The following FXR1 variants were observed in gnomAD, a reference collection of about 807,000 sequenced individuals.
The protein encoded by FXR1 is FMR1 autosomal homolog 1, also known as RNA-binding protein FXR1.
A neutral mutation model predicts 84.0 loss-of-function variants in FXR1; 15 were observed. That is an observed-to-expected ratio of 0.18 (90% CI 0.12 to 0.27). The LOEUF (loss-of-function observed/expected upper bound fraction) is 0.27. Ranked by LOEUF, FXR1 falls within the 10% of genes least tolerant of loss-of-function variation. FXR1 has a pLI of 1.00. For missense variants in FXR1, 480 were observed against 774.4 expected (o/e 0.62, Z 4.51); for synonymous variants, 245 against 250.7 (o/e 0.98, Z 0.21).
chr3:180,975,783 A>C (rs1714164522), intron 16 of FXR1, among the ~76,000 whole-genome samples: 1 of 152,204 alleles, frequency 6.6e-6, no homozygotes, highest in African/African-American at 2.4e-5. Flanking sequence ...TCTCAAAATA[A>C]GGTGAGTAAA....
rs1007890523 is a variant in FXR1 at position 180,914,288 on chromosome 3, G to C, written c.51+1552G>C. On this transcript the variant is annotated intron_variant, in intron 1 of 16. Coordinates refer to ENST00000357559, the MANE Select transcript of FXR1 (RefSeq NM_005087.4). ...CCCTGGACTACTGCAGATACAGTTC[G>C]CTGGGTAAGACGGCGAAAAGAATAG... 2.6e-5 allele frequency among the ~76,000 whole-genome samples: 4 copies of C among 152,118 alleles called. No homozygotes were observed. In the East Asian group the frequency reaches 5.8e-4, roughly 22 times the overall value.
chr3:180,917,045 A>G (rs184616720), intron 1 of FXR1, among the ~76,000 whole-genome samples: 44 of 152,064 alleles, frequency 2.9e-4, no homozygotes, highest in Admixed American at 2.6e-3. Context: ...CATGTTGGCC[A>G]GGATGTTCTC....
chr3:180,938,736 C>T (rs1720807330), intron 3 of FXR1, among the ~76,000 whole-genome samples: 3 of 151,958 alleles, frequency 2.0e-5, no homozygotes, highest in African/African-American at 4.8e-5. Flanking sequence ...TCAGTAGCGA[C>T]GGGGTTTCTC....
At chr3:180,927,765 A>G (rs970663270) in intron 1 of FXR1, 4 of 440,636 alleles carry the variant, frequency 9.1e-6, no homozygotes, top group African/African-American at 6.1e-5. Context: ...AATGTTTAAC[A>G]ATTTAAAGGA....
At chr3:180,974,988 C>G (rs565066620) in intron 15 of FXR1, among the ~76,000 whole-genome samples, 160 of 135,376 alleles carry the variant, frequency 1.2e-3, no homozygotes, top group African/African-American at 4.0e-3. Context: ...TAGAACACTG[C>G]GTTTGTATTT....
intron 3 of FXR1, among the ~76,000 whole-genome samples, chr3:180,943,834 T>G (rs1377362564): frequency 6.6e-6 from 1 of 152,184 alleles, no homozygotes; most frequent in Non-Finnish European, 1.5e-5. Context: ...AAATGAGGCT[T>G]GATTTACCCA....
At chr3:180,957,792 C>G (rs200843705) in intron 9 of FXR1, 27 bp from the exon 10 acceptor site, 5 of 1,014,858 alleles carry the variant, frequency 4.9e-6, no homozygotes, top group Non-Finnish European at 7.7e-6. Flanking sequence ...TTTAGCTTAC[C>G]ATTGTATTTG....
intron 8 of FXR1, among the ~76,000 whole-genome samples, chr3:180,951,949 C>T (rs913855923): frequency 1.3e-5 from 2 of 152,148 alleles, no homozygotes; most frequent in African/African-American, 4.8e-5. Flanking sequence ...CACCTGCAGT[C>T]CCAGCTACTT....
At position 180,912,699 on chromosome 3, in the gene FXR1, C is replaced by T. The variant is rs1272975303; in HGVS notation, c.14C>T (p.Thr5Met). 6.2e-6 allele frequency: 10 copies of T among 1,613,728 alleles called. No individual in the cohort carries two copies. The highest frequency in any genetic ancestry group is 1.1e-5 in the South Asian group (1 of 91,062). The change falls in exon 1 of 17, where the codon ACG becomes ATG. Residue 5 changes from threonine to methionine, a missense_variant. By Grantham distance (81) the Thr-to-Met change is moderately conservative (BLOSUM62 -1). Around this residue, in one of 6 missense-constraint regions of FXR1, gnomAD observed 54 missense variants for 74.2 expected, o/e 0.73. Coordinates refer to ENST00000357559, the MANE Select transcript of FXR1 (RefSeq NM_005087.4). ...TGCGGTTCCAACATGGCGGAGCTGACGGTGGAGGTTCGCGGCTCTAACGGG... is the reference window on the plus strand; with the variant it reads ...TGCGGTTCCAACATGGCGGAGCTGATGGTGGAGGTTCGCGGCTCTAACGGG... MAEL[T>M]VEVRGSNGAF...
chr3:180,929,941 C>G (rs964052631), intron 1 of FXR1, among the ~76,000 whole-genome samples: 1 of 152,204 alleles, frequency 6.6e-6, no homozygotes, highest in African/African-American at 2.4e-5. Context: ...TCTAGTAAAT[C>G]TTATGGCAGA....
intron 15 of FXR1, among the ~76,000 whole-genome samples, chr3:180,974,148 T>C (rs932057147): frequency 7.4e-6 from 1 of 134,642 alleles, no homozygotes; most frequent in African/African-American, 2.7e-5. Flanking sequence ...CAGTGAATTC[T>C]AAGTTTCAAT....
At chr3:180,936,213 A>T (rs1013715311) in intron 3 of FXR1, among the ~76,000 whole-genome samples, 4 of 151,102 alleles carry the variant, frequency 2.6e-5, no homozygotes, top group Admixed American at 1.3e-4. Flanking sequence ...TTTTAAACTT[A>T]CATATTCTGT....
intron 9 of FXR1, chr3:180,957,432 T>C (rs1337482974): frequency 6.5e-6 from 1 of 154,626 alleles, no homozygotes. Flanking sequence ...CTTATGTGAA[T>C]TAATAAAGTG....
intron 16 of FXR1, among the ~76,000 whole-genome samples, chr3:180,975,762 T>C (rs1238974530): frequency 6.6e-6 from 1 of 152,234 alleles, no homozygotes; most frequent in African/African-American, 2.4e-5. Flanking sequence ...ATTTGATATG[T>C]AAATGTGATT....
At chr3:180,915,316 A>G in intron 1 of FXR1, 1 of 542,726 alleles carries the variant, frequency 1.8e-6, no homozygotes, top group South Asian at 2.6e-5. Context: ...CATAGCCCCC[A>G]AATTTCCGTC....
At chr3:180,934,434 T>C (rs1171187972) in intron 2 of FXR1, among the ~76,000 whole-genome samples, 1 of 152,224 alleles carries the variant, frequency 6.6e-6, no homozygotes, top group African/African-American at 2.4e-5. Flanking sequence ...TTTTACTTTA[T>C]AATTTCAGCT....
At chr3:180,938,049 G>T (rs930784492) in intron 3 of FXR1, among the ~76,000 whole-genome samples, 2 of 152,070 alleles carry the variant, frequency 1.3e-5, no homozygotes, top group Non-Finnish European at 2.9e-5. Context: ...ACATTTTCGT[G>T]TCTTCTCATT....
At chr3:180,958,412 T>C (rs938866519) in intron 10 of FXR1, among the ~76,000 whole-genome samples, 1 of 152,136 alleles carries the variant, frequency 6.6e-6, no homozygotes, top group African/African-American at 2.4e-5. Context: ...ACACTGAGTC[T>C]CCAAAGTCCA....
intron 3 of FXR1, among the ~76,000 whole-genome samples, chr3:180,940,610 G>A (rs544842389): frequency 1.8e-4 from 26 of 147,486 alleles, no homozygotes; most frequent in African/African-American, 2.4e-4. Context: ...ATGGAGTTTC[G>A]GTCTTGTCCA....
Sources: allele counts gnomAD v4.1 joint callset (sites outside exome capture counted in the v4.1 genomes callset), GRCh38; gene constraint gnomAD v4.1.1; regional missense constraint gnomAD v4.1.1; transcripts MANE v1.5; gene names NCBI Gene and HGNC (gene_info 2026-07-23, HGNC 2026-07-21).